FNBP1L: variants seen among roughly 807,000 people sequenced by gnomAD.
FNBP1L encodes formin binding protein 1 like.
FNBP1L carries 36 observed loss-of-function variants against 91.2 expected under a neutral mutation model. The observed-to-expected ratio is 0.39, with a 90% CI of 0.30 to 0.52. The LOEUF (loss-of-function observed/expected upper bound fraction) is 0.52, where lower values mean the gene tolerates loss of function less well. Ranked by LOEUF, FNBP1L falls within the 20% of genes least tolerant of loss-of-function variation. The pLI, the probability that FNBP1L is intolerant of heterozygous loss-of-function variation, is 0.66. For synonymous variants in FNBP1L, 242 were observed against 237.0 expected (o/e 1.02, Z -0.19); for missense variants, 571 against 732.1 (o/e 0.78, Z 2.54).
intron 12 of FNBP1L, among the ~76,000 whole-genome samples, chr1:93,544,698 A>G (rs1672161372): frequency 6.6e-6 from 1 of 152,100 alleles, no homozygotes; most frequent in Non-Finnish European, 1.5e-5. Context: ...TAGACATAGA[A>G]GAATTATTCA....
intron 1 of FNBP1L, among the ~76,000 whole-genome samples, chr1:93,476,151 CACCAACATTGCGATAGT>C (rs1466685394): frequency 6.6e-6 from 1 of 152,128 alleles, no homozygotes; most frequent in Non-Finnish European, 1.5e-5. Context: ...TTGGACTGAA[CACCAACATTGCGATAGT>C]AATGTACAAA....
intron 11 of FNBP1L, among the ~76,000 whole-genome samples, chr1:93,543,103 G>C (rs185531458): frequency 7.0e-4 from 106 of 151,984 alleles, no homozygotes; most frequent in Admixed American, 1.4e-3. Flanking sequence ...CTTATTCTTA[G>C]AATAACCATT....
chr1:93,453,251 G>A, intron 1 of FNBP1L, among the ~76,000 whole-genome samples: 1 of 152,268 alleles, frequency 6.6e-6, no homozygotes, highest in South Asian at 2.1e-4. Flanking sequence ...ATTGCTATTA[G>A]TTAAGGAGGA....
chr1:93,516,211 A>G (rs1372509996), intron 2 of FNBP1L, among the ~76,000 whole-genome samples: 1 of 152,136 alleles, frequency 6.6e-6, no homozygotes, highest in Non-Finnish European at 1.5e-5. Context: ...AAGTTTTCTC[A>G]TCTTTTCTGT....
chr1:93,500,998 A>C (rs2101726464), intron 2 of FNBP1L, among the ~76,000 whole-genome samples: 1 of 152,168 alleles, frequency 6.6e-6, no homozygotes, highest in East Asian at 1.9e-4. Context: ...TGGGAAACTT[A>C]CCTCTCTAGA....
At chr1:93,542,555 G>A (rs1220750528) in intron 11 of FNBP1L, among the ~76,000 whole-genome samples, 1 of 149,808 alleles carries the variant, frequency 6.7e-6, no homozygotes, top group East Asian at 2.0e-4. Context: ...TAGGGATTCT[G>A]TTATTAATTA....
chr1:93,529,244 T>A (rs1193305193), intron 5 of FNBP1L, among the ~76,000 whole-genome samples: 1 of 152,100 alleles, frequency 6.6e-6, no homozygotes, highest in Non-Finnish European at 1.5e-5. Flanking sequence ...GAGTGAGATA[T>A]ATAATAAATA....
chr1:93,543,025 C>A (rs1187752120), intron 11 of FNBP1L, among the ~76,000 whole-genome samples: 1 of 151,990 alleles, frequency 6.6e-6, no homozygotes, highest in Non-Finnish European at 1.5e-5. Context: ...AACTCCTGAC[C>A]TTAGGTGATC....
At chr1:93,514,318 A>G (rs1486884587) in intron 2 of FNBP1L, among the ~76,000 whole-genome samples, 2 of 151,990 alleles carry the variant, frequency 1.3e-5, no homozygotes, top group Non-Finnish European at 2.9e-5. Context: ...GGAAGAATCA[A>G]TATCGTGAAA....
chr1:93,545,262 A>G (rs1672184680), intron 12 of FNBP1L, among the ~76,000 whole-genome samples: 1 of 152,164 alleles, frequency 6.6e-6, no homozygotes, highest in Non-Finnish European at 1.5e-5. Context: ...TATGAGAAAC[A>G]TTGCACTAAA....
In FNBP1L at chr1:93,502,377, TATAAA is replaced by T. The variant is rs565599591; in HGVS notation, c.140+2801_140+2805del. 1.2e-3 allele frequency among the ~76,000 whole-genome samples: 179 copies of T among 152,278 alleles called. 1 individual carries two copies. The highest frequency in any genetic ancestry group is 2.1e-3 in the Non-Finnish European group (144 of 68,004). On this transcript the variant is annotated intron_variant, in intron 2 of 16. Transcript: ENST00000271234. ...TTCAAAAGAGATTCCTATCACAAAT[TATAAA>T]ATAAAAATTGATAATTTATAAGATT...
chr1:93,478,419 G>A (rs890987037), intron 1 of FNBP1L, among the ~76,000 whole-genome samples: 1 of 152,162 alleles, frequency 6.6e-6, no homozygotes, highest in African/African-American at 2.4e-5. Context: ...AAGAGTGGCA[G>A]CTATAACCCA....
intron 2 of FNBP1L, among the ~76,000 whole-genome samples, chr1:93,521,414 G>A (rs931501706): frequency 6.6e-6 from 1 of 151,982 alleles, no homozygotes; most frequent in African/African-American, 2.4e-5. Context: ...AAAAGCGATG[G>A]TATTTCTTTG....
intron 5 of FNBP1L, among the ~76,000 whole-genome samples, chr1:93,529,199 T>C (rs535804835): frequency 9.9e-5 from 15 of 152,194 alleles, no homozygotes; most frequent in African/African-American, 2.2e-4. Context: ...AGGACTTATA[T>C]TTTTTATAAA....
chr1:93,493,983 A>C (rs1321573910), intron 1 of FNBP1L, among the ~76,000 whole-genome samples: 1 of 152,198 alleles, frequency 6.6e-6, no homozygotes, highest in Non-Finnish European at 1.5e-5. Flanking sequence ...GATGTCTTAC[A>C]GTTCAATTTT....
At position 93,498,315 on chromosome 1, in the gene FNBP1L, T is replaced by C. The variant is rs150100742; in HGVS notation, c.25-1153T>C. ...GAATTGTTTTTCATTGATTGTGTTT[T>C]AGTTTCAGTTTGATGAAAATTCTAA... On this transcript the variant is annotated intron_variant, in intron 1 of 16. Coordinates refer to ENST00000271234, the MANE Select transcript of FNBP1L (RefSeq NM_001164473.3). 1.9e-3 allele frequency among the ~76,000 whole-genome samples: 290 copies of C among 152,334 alleles called. 2 individuals carry two copies. The highest frequency in any genetic ancestry group is 6.7e-3 in the African/African-American group (279 of 41,566).
At chr1:93,549,706 C>T (rs1303418088) in intron 15 of FNBP1L, among the ~76,000 whole-genome samples, 1 of 152,202 alleles carries the variant, frequency 6.6e-6, no homozygotes, top group African/African-American at 2.4e-5. Flanking sequence ...TCACCAGAGT[C>T]CTTACTGTGC....
At chr1:93,524,181 G>T in intron 4 of FNBP1L, 80 bp from the exon 5 acceptor site, 3 of 1,143,320 alleles carry the variant, frequency 2.6e-6, no homozygotes, top group Non-Finnish European at 3.5e-6. Flanking sequence ...TTAGACTTTA[G>T]TGTTTAAATG....
intron 12 of FNBP1L, 54 bp downstream of exon 12, chr1:93,544,270 T>A (rs1439883603): frequency 7.8e-6 from 10 of 1,276,858 alleles, no homozygotes; most frequent in Middle Eastern, 1.9e-4. Flanking sequence ...CTACTTTGAG[T>A]GACGCCCTTA....
Sources: allele counts gnomAD v4.1 joint callset (sites outside exome capture counted in the v4.1 genomes callset), GRCh38; gene constraint gnomAD v4.1.1; transcripts MANE v1.5; gene names NCBI Gene and HGNC (gene_info 2026-07-23, HGNC 2026-07-21).